Variants in KRT37 observed in about 807,000 individuals in gnomAD.
The protein encoded by KRT37 is keratin 37.
KRT37 carries 38 observed loss-of-function variants against 41.9 expected under a neutral mutation model. That is an observed-to-expected ratio of 0.91 (90% CI 0.70 to 1.19). The LOEUF is 1.19. Among genes scored for constraint, KRT37 ranks in the 50% most tolerant of loss-of-function variants. KRT37 has a pLI of 0.00. For synonymous variants in KRT37, 252 were observed against 243.4 expected (o/e 1.04, Z -0.33); for missense variants, 580 against 575.5 (o/e 1.01, Z -0.08).
rs569617138 is a variant in KRT37, at chr17:41,424,225, A to C, written c.299T>G (p.Leu100Arg). Residue 100 changes from leucine (L) to arginine (R), a missense_variant, in exon 1 of 7, where the codon CTG (leucine) becomes CGG (arginine). Physicochemically the swap from Leu to Arg is moderately radical, Grantham distance 102. Transcript: ENST00000225550. The part of the protein sequence containing the change: ...GICGAYGKNT[L>R]NGHEKETMKF... ...CATGGTCTCCTTCTCATGGCCATTC[A>C]GGGTGTTTTTGCCGTAGGCCCCACA... 1 of 1,614,078 alleles carries C rather than the reference A, an allele frequency of 6.2e-7. No homozygotes were observed. Among genetic ancestry groups the C allele is most frequent in the African/African-American group, 1.3e-5 (1 of 74,918 alleles).
At chr17:41,422,238 G>A (rs748206474) in intron 4 of KRT37, 35 bp downstream of exon 4, 2 of 1,613,858 alleles carry the variant, frequency 1.2e-6, no homozygotes, top group Non-Finnish European at 1.7e-6. Context: ...TCAGATGGAG[G>A]CCAGGTACTC....
At chr17:41,421,306 C>T (rs1029187106) in intron 6 of KRT37, 61 bp downstream of exon 6, 6 of 1,552,722 alleles carry the variant, frequency 3.9e-6, no homozygotes, top group Non-Finnish European at 4.4e-6. Context: ...ACTTCCATTA[C>T]CTCTGAGGAA....
chr17:41,424,076 C>T lies in KRT37; in HGVS notation c.448G>A (p.Asp150Asn), dbSNP rs200713258. The T allele has an allele frequency of 1.8e-5, 29 of 1,614,044 alleles. No homozygotes were observed. Among genetic ancestry groups the T allele is most frequent in the African/African-American group, 5.3e-5 (4 of 74,902 alleles). The stretch of plus-strand genomic sequence containing the variant: ...ATTGTACGGAAGTAGGACTGGTAGT[C>T]GGGGCACACGGTGGACTCGTGGCAC... ...SKCHESTVCP[D>N]YQSYFRTIEE... The change falls in exon 1 of 7, where the codon GAC becomes AAC. Residue 150 changes from aspartate (D) to asparagine (N), a missense_variant. Physicochemically the swap from Asp to Asn is conservative, Grantham distance 23. Transcript: ENST00000225550.
chr17:41,424,507 C>T lies in KRT37; in HGVS notation c.17G>A (p.Ser6Asn). Residue 6 changes from serine (S) to asparagine (N), a missense_variant, in exon 1 of 7, where the codon AGC becomes AAC. Physicochemically the swap from Ser to Asn is conservative, Grantham distance 46. Coordinates refer to ENST00000225550, the MANE Select transcript of KRT37 (RefSeq NM_003770.5). ...GCAACCCAGAGGGCATGAGGAGGTG[C>T]TGTAGAAGGAGGTCATGGTGTAGGG... MTSFY[S>N]TSSCPLGCTM... 8 of 1,582,382 alleles carry T rather than the reference C, an allele frequency of 5.1e-6. No homozygotes were observed. The highest frequency in any genetic ancestry group is 6.9e-6 in the Non-Finnish European group (8 of 1,160,460).
chr17:41,422,790 G>A lies in KRT37; in HGVS notation c.720C>T (p.Ser240=). Residue 240 remains serine (S), a synonymous_variant, in exon 3 of 7, where the codon AGC becomes AGT. Transcript: ENST00000225550. ...SLKEEQLSLK[S]NHEQEVKILR... ...GCCAGGGCCACACCTGCTCGTGGTT[G>A]CTCTTGAGGGAGAGCTGCTCCTCCT... 1 of 1,608,470 alleles carries A rather than the reference G, an allele frequency of 6.2e-7. No individual in the cohort carries two copies. Among genetic ancestry groups the A allele is most frequent in the Non-Finnish European group, 8.5e-7 (1 of 1,176,714 alleles).
At position 41,424,348 on chromosome 17, in the gene KRT37, G is replaced by A. The variant is rs369515531; in HGVS notation, c.176C>T (p.Ser59Leu). The A allele has an allele frequency of 8.7e-6, 14 of 1,614,092 alleles. No individual in the cohort carries two copies. The highest frequency in any genetic ancestry group is 2.2e-5 in the East Asian group (1 of 44,876). The change falls in exon 1 of 7, where the codon TCG becomes TTG. Residue 59 changes from serine to leucine, a missense_variant. Ser to Leu is a moderately radical substitution (Grantham distance 145). Transcript: ENST00000225550. ...VAHANRVRVG[S>L]TPLGRPSLCL... The stretch of plus-strand genomic sequence containing the variant: ...GAGGCTGGGGCGGCCCAGGGGAGTC[G>A]ACCCCACACGGACTCTGTTGGCGTG...
intron 3 of KRT37, 30 bp from the exon 4 acceptor site, chr17:41,422,464 C>A (rs199836039): frequency 9.3e-6 from 15 of 1,610,642 alleles, no homozygotes; most frequent in East Asian, 4.5e-5. Flanking sequence ...AGACAGCCTG[C>A]GTAAGGAAAC....
In KRT37 at chr17:41,424,569, G is replaced by C. The variant is rs2144401749; in HGVS notation, c.-46C>G. The C allele has an allele frequency of 6.6e-7, 1 of 1,523,512 alleles. No individual in the cohort carries two copies. The highest frequency in any genetic ancestry group is 8.8e-7 in the Non-Finnish European group (1 of 1,135,108). 94.4% of individuals were successfully genotyped at this position (1,523,512 alleles called of 1,614,324 possible). Reference sequence around the variant, plus strand: ...CAGGAGCTTCAGATCAGCTGGGAAGGCTGAGCCACTGAGACTGAAGCCTCC... The same window carrying C: ...CAGGAGCTTCAGATCAGCTGGGAAGCCTGAGCCACTGAGACTGAAGCCTCC... On this transcript the variant is annotated 5_prime_UTR_variant, in exon 1 of 7. Transcript: ENST00000225550.
intron 5 of KRT37, among the ~76,000 whole-genome samples, chr17:41,421,852 C>A (rs1320458499): frequency 6.6e-6 from 1 of 152,192 alleles, no homozygotes; most frequent in Non-Finnish European, 1.5e-5. Context: ...AGTGCCTGAA[C>A]TTCCGCACTG....
chr17:41,421,339 G>C (rs1367445702), intron 6 of KRT37, 28 bp downstream of exon 6: 5 of 1,608,000 alleles, frequency 3.1e-6, no homozygotes, highest in African/African-American at 1.3e-5. Flanking sequence ...CATGTGTGTG[G>C]CTTAGGAATT....
chr17:41,424,411 G>A lies in KRT37; in HGVS notation c.113C>T (p.Ala38Val). 6.2e-7 allele frequency: 1 copy of A among 1,613,076 alleles called. No individual in the cohort carries two copies. The highest frequency in any genetic ancestry group is 8.5e-7 in the Non-Finnish European group (1 of 1,179,180). The change falls in exon 1 of 7, where the codon GCC becomes GTC. Residue 38 changes from alanine to valine, a missense_variant. Physicochemically the swap from Ala to Val is moderately conservative, Grantham distance 64 (BLOSUM62 0). Transcript: ENST00000225550. ...IDVGCQPVAE[A>V]NAASMCLLAN... ...CAAGAGGCACATGGAGGCAGCATTG[G>A]CCTCTGCCACAGGCTGGCACCCAAC...
At chr17:41,422,034 G>C in intron 5 of KRT37, 35 bp downstream of exon 5, 2 of 1,614,024 alleles carry the variant, frequency 1.2e-6, no homozygotes, top group Non-Finnish European at 1.7e-6. Context: ...ATGGCATGGG[G>C]CATTTGCAGT....
chr17:41,423,707 C>T, intron 2 of KRT37, 55 bp downstream of exon 2: 1 of 1,522,194 alleles, frequency 6.6e-7, no homozygotes, highest in Non-Finnish European at 9.1e-7. Context: ...ATGGGGCGGG[C>T]CCTTGGAAAT....
In KRT37 at chr17:41,420,894, G is replaced by T. The variant is rs2018529832; in HGVS notation, c.1334C>A (p.Ala445Asp). The T allele has an allele frequency of 6.2e-7, 1 of 1,612,200 alleles. No individual in the cohort carries two copies. Among genetic ancestry groups the T allele is most frequent in the South Asian group, 1.1e-5 (1 of 90,986 alleles). The change falls in exon 7 of 7, where the codon GCC becomes GAC. Residue 445 changes from alanine (A) to aspartate (D), a missense_variant. Coordinates refer to ENST00000225550, the MANE Select transcript of KRT37 (RefSeq NM_003770.5). Reference protein sequence around the residue: ...VTGGSPSGHGASMGR With the variant: ...VTGGSPSGHGDSMGR ...CCTTCAGAATCATCTCCCCATGCTG[G>T]CTCCATGGCCAGAGGGAGACCCACC...
chr17:41,423,684 T>C (rs2144399464), intron 2 of KRT37, 78 bp downstream of exon 2: 2 of 1,360,638 alleles, frequency 1.5e-6, no homozygotes, highest in Admixed American at 3.5e-5. Context: ...ACACCTACAA[T>C]ATAGACTGAG....
intron 2 of KRT37, 22 bp from the exon 3 acceptor site, chr17:41,422,956 G>A: frequency 6.2e-7 from 1 of 1,603,104 alleles, no homozygotes; most frequent in Non-Finnish European, 8.5e-7. Context: ...GGAGGCACAG[G>A]GTCAAAAAGA....
In KRT37 at chr17:41,421,365, A is replaced by T. The variant is rs142219558; in HGVS notation, c.1241+2T>A. On this transcript the variant is annotated splice_donor_variant, in intron 6 of 6. Transcript: ENST00000225550. LOFTEE classifies it high-confidence loss of function. The stretch of plus-strand genomic sequence containing the variant: ...CTTAGGAATTGCCCAGATCACACGT[A>T]CTTGCAGTCCTCGCTCTCCAGAAGG... 5.8e-5 allele frequency: 94 copies of T among 1,614,138 alleles called. No individual in the cohort carries two copies. In the East Asian group the frequency reaches 2.0e-3, roughly 35 times the overall value.
chr17:41,421,215 C>T, intron 6 of KRT37, 152 bp downstream of exon 6: 2 of 889,774 alleles, frequency 2.2e-6, no homozygotes, highest in Non-Finnish European at 3.5e-6. Flanking sequence ...ATCCAGTCTG[C>T]ACAGACCAGG....
At chr17:41,421,986 C>A in intron 5 of KRT37, 83 bp downstream of exon 5, 1 of 1,602,092 alleles carries the variant, frequency 6.2e-7, no homozygotes, top group Non-Finnish European at 8.5e-7. Flanking sequence ...GTTGAAGGAA[C>A]TGATTTGTGA....
Sources: gnomAD v4.1 joint callset for allele counts (sites outside exome capture counted in the v4.1 genomes callset) on GRCh38, gnomAD v4.1.1 for gene constraint, MANE v1.5 for transcripts, NCBI Gene and HGNC (gene_info 2026-07-23, HGNC 2026-07-21) for gene names.